ARHGEF12: variants seen among roughly 807,000 people sequenced by gnomAD.
The protein encoded by ARHGEF12 is KMT2A/ARHGEF12 fusion protein.
ARHGEF12 carries 66 observed loss-of-function variants against 211.2 expected under a neutral mutation model. The ratio of observed to expected loss-of-function variants is 0.31; its 90% CI spans 0.26 to 0.38. The LOEUF (loss-of-function observed/expected upper bound fraction) is 0.38, where lower values mean the gene tolerates loss of function less well. Ranked by LOEUF, ARHGEF12 falls within the 10% of genes least tolerant of loss-of-function variation. The pLI is 1.00. For missense variants in ARHGEF12, 1,429 were observed against 1,869.5 expected (o/e 0.76, Z 4.34); for synonymous variants, 592 against 638.4 (o/e 0.93, Z 1.09).
At chr11:120,422,693 A>G (rs556699478) in intron 6 of ARHGEF12, among the ~76,000 whole-genome samples, 1 of 152,310 alleles carries the variant, frequency 6.6e-6, no homozygotes, top group Non-Finnish European at 1.5e-5. Flanking sequence ...CTGTATGCAA[A>G]TAGAATTGTA....
chr11:120,449,442 T>C, intron 21 of ARHGEF12: 1 of 437,096 alleles, frequency 2.3e-6, no homozygotes, highest in African/African-American at 2.0e-5. Context: ...GATTCACGCC[T>C]GTAATCCCAG....
intron 1 of ARHGEF12, among the ~76,000 whole-genome samples, chr11:120,353,749 T>G (rs1943057391): frequency 6.6e-6 from 1 of 152,160 alleles, no homozygotes; most frequent in South Asian, 2.1e-4. Flanking sequence ...ACCCATATGC[T>G]CAGGGTAAGC....
chr11:120,449,042 C>T (rs373437274), intron 20 of ARHGEF12, 67 bp from the exon 21 acceptor site: 4 of 1,319,302 alleles, frequency 3.0e-6, no homozygotes, highest in East Asian at 4.8e-5. Context: ...ATTAGCATTA[C>T]ACTATGAAAA....
At chr11:120,462,859 G>A (rs370353420) in intron 27 of ARHGEF12, 1 of 152,150 alleles carries the variant, frequency 6.6e-6, no homozygotes, top group Non-Finnish European at 1.5e-5. Flanking sequence ...TTACAGTGGT[G>A]GGAAAGTAAT....
chr11:120,449,013 C>T, intron 20 of ARHGEF12, 96 bp from the exon 21 acceptor site: 2 of 1,042,424 alleles, frequency 1.9e-6, no homozygotes, highest in Non-Finnish European at 2.8e-6. Flanking sequence ...TTACACTTAA[C>T]AATTTCTTTG....
rs749483712 is a variant in ARHGEF12, at chr11:120,429,163, A to G, written c.586-277A>G. Among the ~76,000 whole-genome samples, 6 of 152,218 alleles carry G rather than the reference A, an allele frequency of 3.9e-5. No homozygotes were observed. The South Asian group carries it at 6.2e-4, about 16-fold the overall frequency. On this transcript the variant is annotated intron_variant, in intron 8 of 40. Coordinates refer to ENST00000397843, the MANE Select transcript of ARHGEF12 (RefSeq NM_015313.3). ...CAAATGAGGGAAAGTAAAAGATACT[A>G]TTCTTATACTAAGACAACTTCATTT...
intron 1 of ARHGEF12, among the ~76,000 whole-genome samples, chr11:120,395,918 C>G (rs919235759): frequency 6.6e-6 from 1 of 152,158 alleles, no homozygotes; most frequent in African/African-American, 2.4e-5. Flanking sequence ...TTTCCCTGCT[C>G]TCTCTGCTGA....
intron 1 of ARHGEF12, among the ~76,000 whole-genome samples, chr11:120,345,397 C>T (rs575208328): frequency 6.6e-6 from 1 of 152,234 alleles, no homozygotes; most frequent in Non-Finnish European, 1.5e-5. Flanking sequence ...TGAAAGTGAG[C>T]AAACTGATAG....
intron 1 of ARHGEF12, among the ~76,000 whole-genome samples, chr11:120,353,478 T>C (rs960008818): frequency 7.2e-5 from 11 of 152,084 alleles, no homozygotes; most frequent in African/African-American, 2.7e-4. Context: ...AAACTTGAGA[T>C]TGTGGTCTAA....
intron 11 of ARHGEF12, among the ~76,000 whole-genome samples, chr11:120,433,430 CTTCTT>C (rs1194893637): frequency 6.6e-6 from 1 of 152,140 alleles, no homozygotes; most frequent in Non-Finnish European, 1.5e-5. Context: ...TTTTCGTACT[CTTCTT>C]TTTGTTTTAG....
At position 120,478,268 on chromosome 11, in the gene ARHGEF12, T is replaced by G. The variant is rs1262109881; in HGVS notation, c.3645T>G (p.Phe1215Leu). ...VRDLFVAERQFAKEQHTDGTL... is the reference protein window; with the variant it reads ...VRDLFVAERQLAKEQHTDGTL... ...ATCTGTTTGTGGCTGAGAGACAGTT[T>G]GCAAAGGAACAACATACAGATGGGA... The change falls in exon 37 of 41, where the codon TTT becomes TTG. Residue 1215 changes from phenylalanine (F) to leucine (L), a missense_variant. Transcript: ENST00000397843. 1.2e-6 allele frequency: 2 copies of G among 1,614,046 alleles called. No individual in the cohort carries two copies. The highest frequency in any genetic ancestry group is 2.7e-5 in the African/African-American group (2 of 74,922).
rs574990873 is a variant in ARHGEF12 at position 120,338,963 on chromosome 11, C to A, written c.32+1688C>A. The stretch of plus-strand genomic sequence containing the variant: ...ATAACGTAGATGGCATATAAACATT[C>A]AATAAATATGAAATTACTGAAAGCC... On this transcript the variant is annotated intron_variant, in intron 1 of 40. Coordinates refer to ENST00000397843, the MANE Select transcript of ARHGEF12 (RefSeq NM_015313.3). Among the ~76,000 whole-genome samples, 3 of 148,774 alleles carry A rather than the reference C, an allele frequency of 2.0e-5. No individual in the cohort carries two copies. In the South Asian group the frequency reaches 6.4e-4, roughly 32 times the overall value.
chr11:120,344,252 C>G (rs959485823), intron 1 of ARHGEF12, among the ~76,000 whole-genome samples: 1 of 102,266 alleles, frequency 9.8e-6, no homozygotes, highest in Non-Finnish European at 1.7e-5. Flanking sequence ...GATGACAGAG[C>G]AAGACTCCGT....
At chr11:120,338,968 A>T (rs1269968708) in intron 1 of ARHGEF12, among the ~76,000 whole-genome samples, 1 of 151,542 alleles carries the variant, frequency 6.6e-6, no homozygotes, top group Non-Finnish European at 1.5e-5. Context: ...ACATTCAATA[A>T]ATATGAAATT....
chr11:120,481,439 G>A lies in ARHGEF12; in HGVS notation c.4417G>A (p.Glu1473Lys), dbSNP rs1486039186. Residue 1473 changes from glutamate to lysine, a missense_variant, in exon 39 of 41, where the codon GAA (glutamate) becomes AAA (lysine). This residue lies in a region of ARHGEF12 where 467 missense variants were observed against 468.4 expected (regional missense o/e 1.00). Transcript: ENST00000397843. ...SDGAISPFTP[E>K]FLVQQRWGAM... ...TGGGGCAATTTCACCATTCACCCCCGAATTTCTGGTCCAGCAGCGCTGGGG... is the reference window on the plus strand; with the variant it reads ...TGGGGCAATTTCACCATTCACCCCCAAATTTCTGGTCCAGCAGCGCTGGGG... 13 of 1,614,124 alleles carry A rather than the reference G, an allele frequency of 8.1e-6. No individual in the cohort carries two copies. Among genetic ancestry groups the A allele is most frequent in the South Asian group, 2.2e-5 (2 of 91,074 alleles).
At chr11:120,395,338 T>C (rs780577250) in intron 1 of ARHGEF12, among the ~76,000 whole-genome samples, 4 of 152,054 alleles carry the variant, frequency 2.6e-5, no homozygotes, top group Admixed American at 6.6e-5. Flanking sequence ...AAATGGATGG[T>C]AAATGGTGGT....
intron 1 of ARHGEF12, among the ~76,000 whole-genome samples, chr11:120,351,347 A>G (rs1278819918): frequency 2.1e-5 from 3 of 142,288 alleles, no homozygotes; most frequent in Admixed American, 7.0e-5. Context: ...GTCTCAAAAA[A>G]AAAAAAAAAA....
chr11:120,390,002 A>G (rs762357316), intron 1 of ARHGEF12, among the ~76,000 whole-genome samples: 1 of 152,156 alleles, frequency 6.6e-6, no homozygotes, highest in Non-Finnish European at 1.5e-5. Flanking sequence ...AGTGCAGATA[A>G]CCCTTCGATA....
chr11:120,434,436 G>T (rs565347000), intron 11 of ARHGEF12, among the ~76,000 whole-genome samples: 102 of 152,262 alleles, frequency 6.7e-4, no homozygotes, highest in South Asian at 2.3e-3. Context: ...GAACACACAG[G>T]TTTAATTTCT....
Sources: allele counts gnomAD v4.1 joint callset (sites outside exome capture counted in the v4.1 genomes callset), GRCh38; gene constraint gnomAD v4.1.1; regional missense constraint gnomAD v4.1.1; transcripts MANE v1.5; gene names NCBI Gene and HGNC (gene_info 2026-07-23, HGNC 2026-07-21).